Variants in KMT2D observed in about 807,000 individuals in gnomAD.
KMT2D encodes the protein lysine methyltransferase 2D, also known as histone-lysine N-methyltransferase 2D.
Under a neutral mutation model 512.7 loss-of-function variants are expected in KMT2D, and 55 were observed. That is an observed-to-expected ratio of 0.11 (90% CI 0.09 to 0.13). The LOEUF (loss-of-function observed/expected upper bound fraction) is 0.13. KMT2D is among the 10% of genes least tolerant of loss of function. KMT2D has a pLI of 1.00. For synonymous variants in KMT2D, 2,995 were observed against 2,904.0 expected, an observed-to-expected ratio of 1.03 and a Z score of -1.01; for missense variants, 6,061 against 7,127.9, an observed-to-expected ratio of 0.85 and a Z score of 5.39.
Position 49,021,749 on chromosome 12 carries a change from G to C in KMT2D, c.*31C>G. The C allele has an allele frequency of 6.5e-7, 1 of 1,542,680 alleles. No individual in the cohort carries two copies. Among genetic ancestry groups the C allele is most frequent in the Middle Eastern group, 1.8e-4 (1 of 5,586 alleles). Reference sequence around the variant, plus strand: ...TTCAGGGAAGAGGTTGTGGGTAGGGGGACTCCCCTGCCTGGTAGCCTCAAA... The same window carrying C: ...TTCAGGGAAGAGGTTGTGGGTAGGGCGACTCCCCTGCCTGGTAGCCTCAAA... On this transcript the variant is annotated 3_prime_UTR_variant, in exon 55 of 55. Coordinates refer to ENST00000301067, the MANE Select transcript of KMT2D (RefSeq NM_003482.4).
In KMT2D at chr12:49,022,142, G is replaced by A. The variant is rs1230848163; in HGVS notation, c.16422C>T (p.Asn5474=). The A allele has an allele frequency of 6.2e-7, 1 of 1,613,764 alleles. No individual in the cohort carries two copies. The highest frequency in any genetic ancestry group is 1.1e-5 in the South Asian group (1 of 91,078). ...CCACACAGTTAGGGGCACAGGAATG[G>A]TTAATGTACCTGGGCAGTGGGACAG... ...TLTGGPARYI[N]HSCAPNCVAE... The change falls in exon 54 of 55, where the codon AAC becomes AAT. Residue 5474 remains asparagine (N), a synonymous_variant. Transcript: ENST00000301067. The surrounding 1 kb of genome is among the most constrained non-coding windows in gnomAD (Gnocchi z 8.6).
rs2120718475 is a variant in KMT2D at position 49,055,303 on chromosome 12, C to T, written c.22G>A (p.Gly8Ser). The T allele has an allele frequency of 6.2e-7, 1 of 1,614,050 alleles. No individual in the cohort carries two copies. Among genetic ancestry groups the T allele is most frequent in the Non-Finnish European group, 8.5e-7 (1 of 1,179,890 alleles). Reference protein sequence around the residue: MDSQKLAGEDKDSEPAAD... With the variant: MDSQKLASEDKDSEPAAD... ...GCCGGTTCTGAATCTTTATCCTCAC[C>T]AGCCAGCTTCTGGCTGTCCATCCCT... Residue 8 changes from glycine to serine, a missense_variant, in exon 2 of 55, where the codon GGT becomes AGT. By Grantham distance (56) the Gly-to-Ser change is moderately conservative. Around this residue, in one of 16 missense-constraint regions of KMT2D, gnomAD observed 144 missense variants for 165.7 expected, o/e 0.87. Transcript: ENST00000301067.
rs774135342 is a variant in KMT2D, at chr12:49,022,544, T to C, written c.16338+46A>G. 6.3e-7 allele frequency: 1 copy of C among 1,590,784 alleles called. No homozygotes were observed. The highest frequency in any genetic ancestry group is 8.6e-7 in the Non-Finnish European group (1 of 1,165,154). On this transcript the variant is annotated intron_variant, in intron 52 of 54. Transcript: ENST00000301067. The surrounding 1 kb of genome is among the most constrained non-coding windows in gnomAD (Gnocchi z 8.6). ...GACCAATCCTGCCCTTGCTCCTTGGTTGAGTGCAGACTATGCACCACAATG... is the reference window on the plus strand; with the variant it reads ...GACCAATCCTGCCCTTGCTCCTTGGCTGAGTGCAGACTATGCACCACAATG...
rs1592099456 is a variant in KMT2D, at chr12:49,022,753, C to T, written c.16175G>A (p.Arg5392His). ...HSKSSQYRRL[R>H]TEWKNNVYLA... ...GTACACGTTGTTCTTCCATTCGGTG[C>T]GCAGCCGCCGGTACTGAGATGACTT... is the stretch of plus-strand genomic sequence containing the variant. Residue 5392 changes from arginine to histidine, a missense_variant, in exon 52 of 55, where the codon CGC becomes CAC. Coordinates refer to ENST00000301067, the MANE Select transcript of KMT2D (RefSeq NM_003482.4). This position sits in a 1 kb window ranked among gnomAD's most constrained non-coding sequence, Gnocchi z 8.6. 8 of 1,613,994 alleles carry T rather than the reference C, an allele frequency of 5.0e-6. No homozygotes were observed. The highest frequency in any genetic ancestry group is 1.3e-5 in the African/African-American group (1 of 75,038).
rs576644174 is a variant in KMT2D at position 49,031,842 on chromosome 12, C to T, written c.12863G>A (p.Arg4288Gln). 2.7e-5 allele frequency: 42 copies of T among 1,550,750 alleles called. No individual in the cohort carries two copies. The East Asian group carries it at 5.6e-4, about 21-fold the overall frequency. The change falls in exon 40 of 55, where the codon CGG (arginine) becomes CAG (glutamine). Residue 4288 changes from arginine (R) to glutamine (Q), a missense_variant. Arg to Gln is a conservative substitution (Grantham distance 43). Transcript: ENST00000301067. The part of the protein sequence containing the change: ...GAGPRPQGPP[R>Q]LPAPPGALST... ...TAAGGCTCCTGGTGGGGCAGGGAGCCGGGGTGGGCCCTGAGGTCGAGGCCC... is the reference window on the plus strand; with the variant it reads ...TAAGGCTCCTGGTGGGGCAGGGAGCTGGGGTGGGCCCTGAGGTCGAGGCCC...
At position 49,032,978 on chromosome 12, in the gene KMT2D, T is replaced by G; in HGVS notation, c.11727A>C (p.Gln3909His). 3 of 1,550,620 alleles carry G rather than the reference T, an allele frequency of 1.9e-6. No individual in the cohort carries two copies. The highest frequency in any genetic ancestry group is 2.6e-6 in the Non-Finnish European group (3 of 1,146,744). ...QLQQQQQLQQ[Q>H]QQLQQQQQQQ... Reference sequence around the variant, plus strand: ...GCTGCTGCTGCTGCTGAAGTTGCTGTTGCTGTTGCAGCTGCTGCTGCTGCT... The same window carrying G: ...GCTGCTGCTGCTGCTGAAGTTGCTGGTGCTGTTGCAGCTGCTGCTGCTGCT... Residue 3909 changes from glutamine (Q) to histidine (H), a missense_variant, in exon 40 of 55, where the codon CAA (glutamine) becomes CAC (histidine). By Grantham distance (24) the Gln-to-His change is conservative (BLOSUM62 0). Around this residue, in one of 16 missense-constraint regions of KMT2D, gnomAD observed 1,600 missense variants for 1,754.9 expected, o/e 0.91. Transcript: ENST00000301067.
chr12:49,039,729 G>A lies in KMT2D; in HGVS notation c.8041C>T (p.Arg2681Trp), dbSNP rs753410998. 11 of 1,612,284 alleles carry A rather than the reference G, an allele frequency of 6.8e-6. No homozygotes were observed. The highest frequency in any genetic ancestry group is 5.5e-5 in the South Asian group (5 of 91,042). The change falls in exon 32 of 55, where the codon CGG (arginine) becomes TGG (tryptophan). Residue 2681 changes from arginine (R) to tryptophan (W), a missense_variant. By Grantham distance (101) the Arg-to-Trp change is moderately radical. Transcript: ENST00000301067. This position sits in a 1 kb window ranked among gnomAD's most constrained non-coding sequence, Gnocchi z 5.0. Reference protein sequence around the residue: ...GLSQTELEKQRQRQRLRELLI... With the variant: ...GLSQTELEKQWQRQRLRELLI... ...GCTCCAGGGTGTCAACTTACCTGCC[G>A]TTGCTTCTCCAGCTCTGTTTGGCTA...
Position 49,060,159 on chromosome 12 carries a change from C to CGCGGGGCCG in KMT2D, c.-593_-585dup, listed in dbSNP as rs1179639732. Among the ~76,000 whole-genome samples, 13 of 151,506 alleles carry CGCGGGGCCG rather than the reference C, an allele frequency of 8.6e-5. No individual in the cohort carries two copies. The highest frequency in any genetic ancestry group is 4.2e-4 in the South Asian group (2 of 4,816). On this transcript the variant is annotated 5_prime_UTR_variant, in exon 1 of 55. Transcript: ENST00000301067. ...CCCGGGGCCGCGCGAGCTACGGCGA[C>CGCGGGGCCG]GCGGGGCCGGCGGGGCCGCGGGGCT...
rs2120473966 is a variant in KMT2D, at chr12:49,037,107, G to A, written c.10231+18C>T. On this transcript the variant is annotated intron_variant, in intron 35 of 54. Transcript: ENST00000301067. The stretch of plus-strand genomic sequence containing the variant: ...TAATCACCCTGAGTAACTTGGCTAT[G>A]TTACCAGCTGAGGTTACCTGTATCT... 6.5e-7 allele frequency: 1 copy of A among 1,543,814 alleles called. No homozygotes were observed. The highest frequency in any genetic ancestry group is 8.8e-7 in the Non-Finnish European group (1 of 1,140,698).
intron 46 of KMT2D, among the ~76,000 whole-genome samples, 188 bp from the exon 47 acceptor site, chr12:49,028,329 G>A (rs1232238702): frequency 6.6e-6 from 1 of 152,068 alleles, no homozygotes; most frequent in Non-Finnish European, 1.5e-5. Flanking sequence ...GGGCACTGAC[G>A]GGAGCTCCAC....
At position 49,059,731 on chromosome 12, in the gene KMT2D, G is replaced by A. The variant is rs947365411; in HGVS notation, c.-156C>T. The A allele has an allele frequency of 3.3e-5, 5 of 151,906 alleles. No individual in the cohort carries two copies. The highest frequency in any genetic ancestry group is 2.0e-4 in the Admixed American group (3 of 15,264). 9.4% of individuals were successfully genotyped at this position (151,906 alleles called of 1,614,324 possible). A position where few individuals can be genotyped will look rare whatever the true frequency, so the allele number is the denominator to read the frequency against. On this transcript the variant is annotated 5_prime_UTR_variant, in exon 1 of 55. Coordinates refer to ENST00000301067, the MANE Select transcript of KMT2D (RefSeq NM_003482.4). ...CCCCCCGCACGGGGGGGCTTAGGGG[G>A]GCCAAGAACGGTAAATCCAGGTCGG...
In KMT2D at chr12:49,033,302, C is replaced by A; in HGVS notation, c.11403G>T (p.Met3801Ile). 1 of 1,588,796 alleles carries A rather than the reference C, an allele frequency of 6.3e-7. No homozygotes were observed. The highest frequency in any genetic ancestry group is 8.6e-7 in the Non-Finnish European group (1 of 1,167,746). ...ACACAGCCACCTGGGCAGGGCCCAGCATGCCCTGGGGCCCCTGGGGTGGTT... is the reference window on the plus strand; with the variant it reads ...ACACAGCCACCTGGGCAGGGCCCAGAATGCCCTGGGGCCCCTGGGGTGGTT... Reference protein sequence around the residue: ...SPQPPQGPQGMLGPAQVAVLQ... With the variant: ...SPQPPQGPQGILGPAQVAVLQ... The change falls in exon 40 of 55, where the codon ATG becomes ATT. Residue 3801 changes from methionine to isoleucine, a missense_variant. By Grantham distance (10) the Met-to-Ile change is conservative. Coordinates refer to ENST00000301067, the MANE Select transcript of KMT2D (RefSeq NM_003482.4).
Position 49,051,006 on chromosome 12 carries a change from G to A in KMT2D, c.2677C>T (p.Pro893Ser), listed in dbSNP as rs768425458. Residue 893 changes from proline to serine, a missense_variant, in exon 11 of 55, where the codon CCC becomes TCC. Pro to Ser is a moderately conservative substitution (Grantham distance 74, BLOSUM62 -1). Transcript: ENST00000301067. ...FPPPGEPSLS[P>S]LLGEPALSEP... ...GACAGGGCTGGCTCTCCAAGCAAGG[G>A]AGATAAGGATGGTTCCCCAGGGGGA... is the stretch of plus-strand genomic sequence containing the variant. 1 of 1,570,958 alleles carries A rather than the reference G, an allele frequency of 6.4e-7. No individual in the cohort carries two copies. Among genetic ancestry groups the A allele is most frequent in the Non-Finnish European group, 8.6e-7 (1 of 1,159,228 alleles).
chr12:49,048,785 T>G lies in KMT2D; in HGVS notation c.4021-16A>C. 1 of 1,506,390 alleles carries G rather than the reference T, an allele frequency of 6.6e-7. No homozygotes were observed. Among genetic ancestry groups the G allele is most frequent in the East Asian group, 2.3e-5 (1 of 44,066 alleles). 93.3% of individuals were successfully genotyped at this position (1,506,390 alleles called of 1,614,324 possible). On this transcript the variant is annotated splice_polypyrimidine_tract_variant and intron_variant, in intron 13 of 54. Coordinates refer to ENST00000301067, the MANE Select transcript of KMT2D (RefSeq NM_003482.4). The stretch of plus-strand genomic sequence containing the variant: ...TGTCAGCAACCTGATGGGCAGAGAG[T>G]TATGGAAAGTGAGGCAGATAAATCT...
rs1438906099 is a variant in KMT2D, at chr12:49,019,897, T to C, written c.*1883A>G. ...ATCACAACAGCGACCAAGCTCCCCC[T>C]CCAGCAGGCCCGCCCGTCCACCACC... On this transcript the variant is annotated 3_prime_UTR_variant, in exon 55 of 55. Coordinates refer to ENST00000301067, the MANE Select transcript of KMT2D (RefSeq NM_003482.4). The C allele has an allele frequency of 4.8e-6, 1 of 210,104 alleles. No homozygotes were observed. The highest frequency in any genetic ancestry group is 9.3e-6 in the Non-Finnish European group (1 of 107,644). 13.0% of individuals were successfully genotyped at this position (210,104 alleles called of 1,614,324 possible).
chr12:49,036,993 G>A (rs1943252585), intron 35 of KMT2D, 132 bp downstream of exon 35: 1 of 1,168,322 alleles, frequency 8.6e-7, no homozygotes, highest in Non-Finnish European at 1.2e-6. Flanking sequence ...TCTACCACTA[G>A]TATGATATTT....
rs2120539843 is a variant in KMT2D, at chr12:49,041,009, T to C, written c.6761A>G (p.Asn2254Ser). The C allele has an allele frequency of 8.8e-6, 14 of 1,591,084 alleles. No individual in the cohort carries two copies. The highest frequency in any genetic ancestry group is 1.2e-5 in the Non-Finnish European group (14 of 1,167,592). Residue 2254 changes from asparagine to serine, a missense_variant, in exon 32 of 55, where the codon AAC (asparagine) becomes AGC (serine). By Grantham distance (46) the Asn-to-Ser change is conservative. This residue lies in a region of KMT2D where 710 missense variants were observed against 647.3 expected (regional missense o/e 1.10). Transcript: ENST00000301067. The surrounding 1 kb of genome is among the most constrained non-coding windows in gnomAD (Gnocchi z 5.4). ...FLKPRCPSLD[N>S]LAVPESPGVG... is the part of the protein sequence containing the mutation. ...CCCAGGGCTCTCAGGCACAGCCAAG[T>C]TATCCAGCGAGGGGCAGCGGGGTTT...
At position 49,027,892 on chromosome 12, in the gene KMT2D, T is replaced by C. The variant is rs1436675990; in HGVS notation, c.14554A>G (p.Thr4852Ala). Residue 4852 changes from threonine (T) to alanine (A), a missense_variant, in exon 48 of 55, where the codon ACT (threonine) becomes GCT (alanine). Physicochemically the swap from Thr to Ala is moderately conservative, Grantham distance 58 (BLOSUM62 0). This residue lies in a region of KMT2D where 1,600 missense variants were observed against 1,754.9 expected (regional missense o/e 0.91). Coordinates refer to ENST00000301067, the MANE Select transcript of KMT2D (RefSeq NM_003482.4). Reference protein sequence around the residue: ...EKGLEGKSPDTGPDWLKQFDA... With the variant: ...EKGLEGKSPDAGPDWLKQFDA... ...AACTGCTTCAGCCAATCAGGGCCAG[T>C]GTCTGGGCTCTTGCCTTCCAGACCC... 2.5e-6 allele frequency: 4 copies of C among 1,613,552 alleles called. No individual in the cohort carries two copies. The highest frequency in any genetic ancestry group is 3.4e-6 in the Non-Finnish European group (4 of 1,179,756).
At chr12:49,043,342 A>G (rs2120566942) in intron 25 of KMT2D, 21 bp downstream of exon 25, 1 of 1,612,992 alleles carries the variant, frequency 6.2e-7, no homozygotes, top group Non-Finnish European at 8.5e-7. Context: ...GACAGGACAC[A>G]GTAACCCCGG....
Sources: gnomAD v4.1 joint callset for allele counts (sites outside exome capture counted in the v4.1 genomes callset) on GRCh38, gnomAD v4.1.1 for gene constraint, gnomAD v4.1.1 regional missense constraint, Gnocchi (gnomAD v3.1) non-coding constraint, MANE v1.5 for transcripts, NCBI Gene and HGNC (gene_info 2026-07-23, HGNC 2026-07-21) for gene names.